Variants in PCCA observed in about 807,000 individuals in gnomAD.
PCCA encodes propionyl-CoA carboxylase subunit alpha.
In PCCA, 74 loss-of-function variants were observed where a neutral mutation model predicts 101.3. The ratio of observed to expected loss-of-function variants is 0.73; its 90% CI spans 0.61 to 0.89. The LOEUF (loss-of-function observed/expected upper bound fraction) is 0.89. PCCA is among the 40% of genes least tolerant of loss of function. PCCA has a pLI of 0.00. For synonymous variants in PCCA, 294 were observed against 313.6 expected (o/e 0.94, Z 0.66); for missense variants, 891 against 907.0 (o/e 0.98, Z 0.23).
chr13:100,124,085 G>C (rs1275053855), intron 4 of PCCA, among the ~76,000 whole-genome samples: 4 of 152,062 alleles, frequency 2.6e-5, no homozygotes, highest in African/African-American at 9.7e-5. Context: ...ATAAAGACTA[G>C]TATGTCTTTC....
chr13:100,422,296 G>C (rs2078883664), intron 19 of PCCA, among the ~76,000 whole-genome samples: 1 of 151,502 alleles, frequency 6.6e-6, no homozygotes, highest in Non-Finnish European at 1.5e-5. Context: ...ATCATGCCTG[G>C]CTAAGTAAAA....
chr13:100,475,755 C>A (rs1566408858), intron 21 of PCCA, among the ~76,000 whole-genome samples: 1 of 152,200 alleles, frequency 6.6e-6, no homozygotes, highest in Admixed American at 6.5e-5. Context: ...ATTTTACCCT[C>A]CCACCAGCAA....
intron 20 of PCCA, among the ~76,000 whole-genome samples, chr13:100,445,348 A>G (rs2080750071): frequency 6.6e-6 from 1 of 152,188 alleles, no homozygotes; most frequent in Non-Finnish European, 1.5e-5. Flanking sequence ...TGAAGTACAC[A>G]CTTCAAACAG....
At chr13:100,245,406 C>T (rs182650583) in intron 8 of PCCA, among the ~76,000 whole-genome samples, 10 of 152,314 alleles carry the variant, frequency 6.6e-5, no homozygotes, top group Admixed American at 2.6e-4. Flanking sequence ...CATTAGTTCA[C>T]CAGACCTCGA....
At chr13:100,264,016 G>A (rs2062734156) in intron 10 of PCCA, among the ~76,000 whole-genome samples, 2 of 146,974 alleles carry the variant, frequency 1.4e-5, no homozygotes, top group South Asian at 2.2e-4. Flanking sequence ...TATATATACG[G>A]TATCTGTATA....
intron 21 of PCCA, among the ~76,000 whole-genome samples, chr13:100,470,612 T>C (rs1009000955): frequency 6.6e-6 from 1 of 151,378 alleles, no homozygotes; most frequent in African/African-American, 2.4e-5. Context: ...GAAATACACA[T>C]AGGAAGAAAG....
At chr13:100,202,184 A>C (rs974440946) in intron 6 of PCCA, among the ~76,000 whole-genome samples, 10 of 151,136 alleles carry the variant, frequency 6.6e-5, no homozygotes, top group Non-Finnish European at 1.3e-4. Context: ...AAAAAAAAAA[A>C]AAAACTGGGC....
intron 6 of PCCA, among the ~76,000 whole-genome samples, chr13:100,198,626 G>A (rs1184855642): frequency 6.6e-6 from 1 of 152,080 alleles, no homozygotes; most frequent in Non-Finnish European, 1.5e-5. Context: ...AGCCTTCCGA[G>A]TAGCTGGGAT....
rs150982512 is a variant in PCCA at position 100,406,159 on chromosome 13, C to T, written c.1747-19474C>T. Among the ~76,000 whole-genome samples the T allele has an allele frequency of 8.8e-4, 134 of 152,290 alleles. No individual in the cohort carries two copies. The South Asian group carries it at 0.011, about 13-fold the overall frequency. The stretch of plus-strand genomic sequence containing the variant: ...GGCCATTTTCCCCACTGGGCTCTTA[C>T]TGGCTCTGCAAGTCAAGATTCACTC... On this transcript the variant is annotated intron_variant, in intron 19 of 23. Transcript: ENST00000376285.
chr13:100,481,463 T>TTC (rs1484515365), intron 21 of PCCA, among the ~76,000 whole-genome samples: 2 of 151,942 alleles, frequency 1.3e-5, no homozygotes, highest in Non-Finnish European at 2.9e-5. Context: ...CAGGCTGAGG[T>TTC]GGGAGCATGG....
At chr13:100,451,184 TA>T (rs2081200812) in intron 21 of PCCA, among the ~76,000 whole-genome samples, 1 of 151,534 alleles carries the variant, frequency 6.6e-6, no homozygotes, top group Non-Finnish European at 1.5e-5. Context: ...GGTGATCTGC[TA>T]AACTCTAAGT....
chr13:100,242,130 A>G (rs1033701225), intron 8 of PCCA, among the ~76,000 whole-genome samples: 1 of 152,192 alleles, frequency 6.6e-6, no homozygotes, highest in African/African-American at 2.4e-5. Flanking sequence ...AGGGAAGAAT[A>G]GATTAAAAAA....
intron 21 of PCCA, among the ~76,000 whole-genome samples, chr13:100,497,325 G>A (rs1170685042): frequency 2.6e-5 from 4 of 152,118 alleles, no homozygotes; most frequent in South Asian, 2.1e-4. Context: ...AACAAGTTGT[G>A]CAAATAAAAC....
At chr13:100,100,093 T>G (rs536814540) in intron 1 of PCCA, among the ~76,000 whole-genome samples, 1 of 152,300 alleles carries the variant, frequency 6.6e-6, no homozygotes, top group Non-Finnish European at 1.5e-5. Context: ...AAAAACTCAT[T>G]TGATCCTTTT....
intron 8 of PCCA, among the ~76,000 whole-genome samples, chr13:100,249,313 A>G (rs879419446): frequency 6.6e-6 from 1 of 152,184 alleles, no homozygotes; most frequent in Non-Finnish European, 1.5e-5. Context: ...TTCTTGCATA[A>G]TGAATATCCA....
At chr13:100,474,597 C>T (rs60534868) in intron 21 of PCCA, among the ~76,000 whole-genome samples, 3,104 of 151,978 alleles carry the variant, frequency 0.02, 115 homozygotes, top group African/African-American at 0.072. Flanking sequence ...GTGATGCTCC[C>T]ACCTCAGCTT....
chr13:100,276,619 T>G (rs1464103667), intron 12 of PCCA, among the ~76,000 whole-genome samples: 1 of 152,190 alleles, frequency 6.6e-6, no homozygotes, highest in Non-Finnish European at 1.5e-5. Flanking sequence ...ATTTTTCATC[T>G]TTTTTGGATA....
At chr13:100,262,563 G>T (rs890545316) in intron 9 of PCCA, among the ~76,000 whole-genome samples, 166 bp from the exon 10 acceptor site, 1 of 152,034 alleles carries the variant, frequency 6.6e-6, no homozygotes, top group Non-Finnish European at 1.5e-5. Flanking sequence ...TTGAGTAAAG[G>T]TTTTTGCTTT....
Position 100,127,429 on chromosome 13 carries a change from T to A in PCCA, c.300+15368T>A, listed in dbSNP as rs187494196. 6.7e-3 allele frequency among the ~76,000 whole-genome samples: 1,024 copies of A among 152,340 alleles called. 7 individuals are homozygous for A. The highest frequency in any genetic ancestry group is 0.022 in the African/African-American group (929 of 41,588). On this transcript the variant is annotated intron_variant, in intron 4 of 23. Transcript: ENST00000376285. ...TATATCTTTTTGGTTTTGTTTATTT[T>A]ATAATTTCTGGTAAACTTAAACAAC...
Sources: allele counts gnomAD v4.1 joint callset (sites outside exome capture counted in the v4.1 genomes callset), GRCh38; gene constraint gnomAD v4.1.1; transcripts MANE v1.5; gene names NCBI Gene and HGNC (gene_info 2026-07-23, HGNC 2026-07-21).